Variants in SHISAL2B observed in about 807,000 individuals in gnomAD.
SHISAL2B encodes shisa like 2B.
In SHISAL2B, 12 loss-of-function variants were observed where a neutral mutation model predicts 16.5. That is an observed-to-expected ratio of 0.73 (90% CI 0.47 to 1.18). The LOEUF is 1.18. SHISAL2B is among the 50% of genes most tolerant of loss of function. SHISAL2B has a pLI of 0.00. For missense variants in SHISAL2B, 183 were observed against 193.6 expected, an observed-to-expected ratio of 0.95 and a Z score of 0.33; for synonymous variants, 72 against 75.0, an observed-to-expected ratio of 0.96 and a Z score of 0.21.
Position 64,710,538 on chromosome 5 carries a change from A to G in SHISAL2B, c.350-7351A>G, listed in dbSNP as rs367871447. ...GATGCGGGCTCTTTTTTGGTTCCAT[A>G]TGAACTTTAAAGTAGTTTTTTCCAA... On this transcript the variant is annotated intron_variant, in intron 2 of 2. Transcript: ENST00000389074. Among the ~76,000 whole-genome samples, 72 of 74,302 alleles carry G rather than the reference A, an allele frequency of 9.7e-4. 11 individuals are homozygous for G. In the East Asian group the frequency reaches 0.026, roughly 27 times the overall value. 48.7% of individuals were successfully genotyped at this position (74,302 alleles called of 152,430 possible).
At chr5:64,692,867 A>C (rs1741670526) in intron 1 of SHISAL2B, among the ~76,000 whole-genome samples, 1 of 152,150 alleles carries the variant, frequency 6.6e-6, no homozygotes, top group Admixed American at 6.5e-5. Context: ...GGACTTAGGG[A>C]AATAAGGTCT....
chr5:64,712,200 A>G (rs1216498136), intron 2 of SHISAL2B, among the ~76,000 whole-genome samples: 2 of 148,142 alleles, frequency 1.4e-5, no homozygotes, highest in African/African-American at 4.9e-5. Context: ...CCCTCTACAC[A>G]CTGCTTTGAA....
At chr5:64,694,023 T>C in intron 1 of SHISAL2B, 1 of 450,986 alleles carries the variant, frequency 2.2e-6, no homozygotes, top group South Asian at 1.6e-5. Context: ...TTCTCCTTCC[T>C]CCCAAAGCAA....
At position 64,718,082 on chromosome 5, in the gene SHISAL2B, C is replaced by A; in HGVS notation, c.*60C>A. ...GATGGGACAATAAAAATAAAGCGTG[C>A]ACTTGAAACGGTTTGTAATATTGCT... is the stretch of plus-strand genomic sequence containing the variant. On this transcript the variant is annotated 3_prime_UTR_variant, in exon 3 of 3. Transcript: ENST00000389074. The A allele has an allele frequency of 1.5e-6, 2 of 1,373,784 alleles. No individual in the cohort carries two copies. The highest frequency in any genetic ancestry group is 9.5e-7 in the Non-Finnish European group (1 of 1,054,690). 85.1% of individuals were successfully genotyped at this position (1,373,784 alleles called of 1,614,324 possible). A position where few individuals can be genotyped will look rare whatever the true frequency, so the allele number is the denominator to read the frequency against.
At chr5:64,707,227 G>T (rs1189493514) in intron 2 of SHISAL2B, among the ~76,000 whole-genome samples, 1 of 152,062 alleles carries the variant, frequency 6.6e-6, no homozygotes, top group Non-Finnish European at 1.5e-5. Context: ...GAAACTCAAG[G>T]AATCTCAGAT....
intron 2 of SHISAL2B, among the ~76,000 whole-genome samples, chr5:64,705,919 G>A (rs913025463): frequency 3.3e-5 from 5 of 152,204 alleles, no homozygotes; most frequent in African/African-American, 4.8e-5. Context: ...AGCACTTTGG[G>A]AGGCAGATGC....
intron 2 of SHISAL2B, among the ~76,000 whole-genome samples, chr5:64,716,720 A>T (rs981139506): frequency 6.6e-6 from 1 of 152,210 alleles, no homozygotes; most frequent in East Asian, 1.9e-4. Flanking sequence ...GGGCTGGAAC[A>T]TGCCTGAAAT....
At chr5:64,692,316 T>C (rs1210071858) in intron 1 of SHISAL2B, among the ~76,000 whole-genome samples, 1 of 152,106 alleles carries the variant, frequency 6.6e-6, no homozygotes, top group Non-Finnish European at 1.5e-5. Context: ...TGACAAGCAA[T>C]AGAGGACATA....
intron 2 of SHISAL2B, among the ~76,000 whole-genome samples, chr5:64,697,667 A>T (rs1336974278): frequency 6.6e-6 from 1 of 152,116 alleles, no homozygotes; most frequent in Non-Finnish European, 1.5e-5. Context: ...TATATATAGA[A>T]TATATAAACT....
intron 2 of SHISAL2B, among the ~76,000 whole-genome samples, chr5:64,702,120 G>T (rs1396817045): frequency 3.9e-5 from 6 of 152,012 alleles, no homozygotes; most frequent in Admixed American, 3.3e-4. Context: ...AAAAATAAAT[G>T]CATTAGAAGA....
intron 2 of SHISAL2B, among the ~76,000 whole-genome samples, chr5:64,700,221 G>A (rs1037757691): frequency 2.0e-5 from 3 of 152,082 alleles, no homozygotes; most frequent in African/African-American, 7.2e-5. Flanking sequence ...AGCAATTAAA[G>A]GGGTGTCTTA....
At chr5:64,709,402 G>A (rs1160147266) in intron 2 of SHISAL2B, among the ~76,000 whole-genome samples, 2 of 149,420 alleles carry the variant, frequency 1.3e-5, no homozygotes, top group Non-Finnish European at 3.0e-5. Flanking sequence ...ATTCCATGGT[G>A]TATATGTGCC....
At chr5:64,706,529 G>A (rs961012634) in intron 2 of SHISAL2B, among the ~76,000 whole-genome samples, 7 of 152,034 alleles carry the variant, frequency 4.6e-5, no homozygotes, top group Non-Finnish European at 7.4e-5. Flanking sequence ...AAAATCTTTT[G>A]GAGAAAGCAT....
chr5:64,707,074 C>T (rs1741884841), intron 2 of SHISAL2B, among the ~76,000 whole-genome samples: 2 of 151,984 alleles, frequency 1.3e-5, no homozygotes, highest in Admixed American at 1.3e-4. Context: ...TTTCTCCAGT[C>T]TTCCATTTTT....
intron 1 of SHISAL2B, chr5:64,691,374 A>AGTGTGTGT (rs55773294): frequency 0.023 from 3,255 of 140,236 alleles, 89 homozygotes; most frequent in African/African-American, 0.056. Flanking sequence ...TATTTTTAAA[A>AGTGTGTGT]GTGTGTGTGT....
At chr5:64,708,178 A>G (rs1741900714) in intron 2 of SHISAL2B, among the ~76,000 whole-genome samples, 1 of 152,170 alleles carries the variant, frequency 6.6e-6, no homozygotes, top group South Asian at 2.1e-4. Flanking sequence ...AATAACCTTT[A>G]TACAGATATA....
At chr5:64,710,571 C>A (rs78493377) in intron 2 of SHISAL2B, among the ~76,000 whole-genome samples, 2,400 of 59,388 alleles carry the variant, frequency 0.04, 93 homozygotes, top group Non-Finnish European at 0.044. Context: ...CAATTCTGTG[C>A]AGAAAGTCAT....
chr5:64,694,925 G>A (rs1741710607), intron 1 of SHISAL2B, among the ~76,000 whole-genome samples: 1 of 152,118 alleles, frequency 6.6e-6, no homozygotes, highest in Non-Finnish European at 1.5e-5. Flanking sequence ...AGAATCATGT[G>A]ACCTTTAACC....
At chr5:64,712,923 CTA>C (rs1200913362) in intron 2 of SHISAL2B, among the ~76,000 whole-genome samples, 1 of 151,760 alleles carries the variant, frequency 6.6e-6, no homozygotes, top group Non-Finnish European at 1.5e-5. Flanking sequence ...TATTTTGAGC[CTA>C]TGTGTGTCTC....
Sources: allele counts gnomAD v4.1 joint callset (sites outside exome capture counted in the v4.1 genomes callset), GRCh38; gene constraint gnomAD v4.1.1; transcripts MANE v1.5; gene names NCBI Gene and HGNC (gene_info 2026-07-23, HGNC 2026-07-21).